The following PCDHA1 variants were observed in gnomAD, a reference collection of about 807,000 sequenced individuals.
PCDHA1 encodes protocadherin alpha-1.
In PCDHA1, 42 loss-of-function variants were observed where a neutral mutation model predicts 61.3. That is an observed-to-expected ratio of 0.69 (90% confidence interval 0.54 to 0.89). PCDHA1 has a LOEUF of 0.89. Ranked by LOEUF, PCDHA1 falls within the 40% of genes least tolerant of loss-of-function variation. PCDHA1 has a pLI of 0.00. For synonymous variants in PCDHA1, 610 were observed against 553.8 expected, an observed-to-expected ratio of 1.10 and a Z score of -1.43; for missense variants, 1,256 against 1,235.3, an observed-to-expected ratio of 1.02 and a Z score of -0.25.
At chr5:140,838,065 T>TTA (rs144773480) in intron 1 of PCDHA1, among the ~76,000 whole-genome samples, 9 of 113,460 alleles carry the variant, frequency 7.9e-5, no homozygotes, top group Non-Finnish European at 1.3e-4. Context: ...CCACTTTAAG[T>TTA]TATATATATA....
chr5:140,828,540 CTG>C (rs1769811066), intron 1 of PCDHA1: 1 of 1,614,252 alleles, frequency 6.2e-7, no homozygotes, highest in East Asian at 2.2e-5. Context: ...CTGCCAGATT[CTG>C]TGTTTCCACT....
chr5:140,975,848 T>C (rs1345383470), intron 1 of PCDHA1, among the ~76,000 whole-genome samples: 1 of 152,234 alleles, frequency 6.6e-6, no homozygotes, highest in Non-Finnish European at 1.5e-5. Flanking sequence ...TCAGTAATAC[T>C]ACATCACCCA....
At chr5:140,828,970 T>C in intron 1 of PCDHA1, 1 of 1,614,206 alleles carries the variant, frequency 6.2e-7, no homozygotes, top group Non-Finnish European at 8.5e-7. Flanking sequence ...TTGACCACTT[T>C]AGCATAGATC....
intron 1 of PCDHA1, chr5:140,842,493 C>T (rs1554139100): frequency 6.2e-7 from 1 of 1,613,738 alleles, no homozygotes; most frequent in Non-Finnish European, 8.5e-7. Context: ...TCCCTGATGC[C>T]CCATGTCCCC....
rs2098417406 is a variant in PCDHA1, at chr5:141,010,474, G to A, written c.*537G>A. Reference sequence around the variant, plus strand: ...CGGAAGTTATCAGTATGGAGGGGAAGTGTAAACTTAAAGGGACCAGACTTT... The same window carrying A: ...CGGAAGTTATCAGTATGGAGGGGAAATGTAAACTTAAAGGGACCAGACTTT... On this transcript the variant is annotated 3_prime_UTR_variant, in exon 4 of 4. Transcript: ENST00000504120. The A allele has an allele frequency of 3.9e-6, 3 of 760,382 alleles. No individual in the cohort carries two copies. The highest frequency in any genetic ancestry group is 3.2e-5 in the Admixed American group (1 of 31,594). The allele number at this position is 760,382 out of a possible 1,614,324, so 47.1% of individuals were successfully genotyped here.
At chr5:140,882,675 G>C in intron 1 of PCDHA1, 1 of 1,614,218 alleles carries the variant, frequency 6.2e-7, no homozygotes, top group East Asian at 2.2e-5. Flanking sequence ...TTCCCTGAAA[G>C]CAAGAAACGA....
chr5:140,802,081 T>G, intron 1 of PCDHA1: 1 of 1,614,222 alleles, frequency 6.2e-7, no homozygotes, highest in Non-Finnish European at 8.5e-7. Context: ...AAATTCCATT[T>G]AGATCCAGTC....
intron 1 of PCDHA1, chr5:140,828,492 C>T (rs139629080): frequency 6.2e-6 from 10 of 1,614,162 alleles, no homozygotes; most frequent in Non-Finnish European, 8.5e-6. Flanking sequence ...CCCTTGTTCC[C>T]GGTAGAGGAA....
chr5:140,995,679 T>C (rs2153934903), intron 3 of PCDHA1, among the ~76,000 whole-genome samples: 1 of 152,322 alleles, frequency 6.6e-6, no homozygotes, highest in Non-Finnish European at 1.5e-5. Context: ...GCAGCATTTT[T>C]TTTAATTGTT....
At chr5:140,877,655 C>T (rs868936879) in intron 1 of PCDHA1, 4 of 1,613,562 alleles carry the variant, frequency 2.5e-6, no homozygotes, top group South Asian at 2.2e-5. Context: ...GCGCCGCCCA[C>T]CGTGAGCCGG....
intron 1 of PCDHA1, chr5:140,816,260 C>T (rs1270390991): frequency 6.6e-6 from 1 of 152,136 alleles, no homozygotes; most frequent in African/African-American, 2.4e-5. Flanking sequence ...AGTTCACTGA[C>T]TCATTCTTCT....
chr5:140,898,579 T>A (rs1471026172), intron 1 of PCDHA1, among the ~76,000 whole-genome samples: 1 of 152,222 alleles, frequency 6.6e-6, no homozygotes, highest in African/African-American at 2.4e-5. Flanking sequence ...GCCATGCTGT[T>A]TTGGTTACTG....
intron 1 of PCDHA1, chr5:140,843,796 T>C: frequency 2.2e-6 from 3 of 1,356,238 alleles, no homozygotes; most frequent in African/African-American, 1.4e-5. Context: ...GATTTAGTTT[T>C]TCACCGTATT....
chr5:140,834,477 C>T lies in PCDHA1; in HGVS notation c.2394+45793C>T, dbSNP rs1554134251. Reference sequence around the variant, plus strand: ...TTGGGAGGCAGGGAGAGGCCAGCTCCACTACTCGGTCCCCGAGGAGGCTAA... The same window carrying T: ...TTGGGAGGCAGGGAGAGGCCAGCTCTACTACTCGGTCCCCGAGGAGGCTAA... On this transcript the variant is annotated intron_variant, in intron 1 of 3. Coordinates refer to ENST00000504120, the MANE Select transcript of PCDHA1 (RefSeq NM_018900.4). 3.7e-6 allele frequency: 6 copies of T among 1,614,174 alleles called. No individual in the cohort carries two copies. Among genetic ancestry groups the T allele is most frequent in the South Asian group, 2.2e-5 (2 of 91,082 alleles).
intron 1 of PCDHA1, among the ~76,000 whole-genome samples, chr5:140,941,211 C>CTCT (rs2092852939): frequency 7.7e-6 from 1 of 129,628 alleles, no homozygotes; most frequent in East Asian, 2.4e-4. Context: ...TCCTTTCTTT[C>CTCT]TTCCTTTCTT....
intron 1 of PCDHA1, among the ~76,000 whole-genome samples, chr5:140,845,887 A>G (rs1214611865): frequency 6.7e-6 from 1 of 149,822 alleles, no homozygotes; most frequent in Non-Finnish European, 1.5e-5. Context: ...AATGTCAGAA[A>G]GTCGTTATGG....
chr5:140,837,199 TTAGTC>T (rs1774954755), intron 1 of PCDHA1: 1 of 152,580 alleles, frequency 6.6e-6, no homozygotes, highest in Non-Finnish European at 1.5e-5. Flanking sequence ...CTTTTTATCT[TTAGTC>T]TAGAACTTGA....
At chr5:140,822,525 G>A in intron 1 of PCDHA1, 4 of 1,613,928 alleles carry the variant, frequency 2.5e-6, no homozygotes, top group Non-Finnish European at 3.4e-6. Flanking sequence ...ATGTCAGATT[G>A]TTGGAAAATG....
chr5:140,868,477 A>T (rs1165630673), intron 1 of PCDHA1: 1 of 152,380 alleles, frequency 6.6e-6, no homozygotes, highest in Non-Finnish European at 1.5e-5. Flanking sequence ...ATAAAACTTC[A>T]ATTTTTTCTT....
Sources: gnomAD v4.1 joint callset for allele counts (sites outside exome capture counted in the v4.1 genomes callset) on GRCh38, gnomAD v4.1.1 for gene constraint, MANE v1.5 for transcripts, NCBI Gene and HGNC (gene_info 2026-07-23, HGNC 2026-07-21) for gene names.